Variants in SCAPER observed in about 807,000 individuals in gnomAD.
SCAPER encodes the protein S phase cyclin A-associated protein in the endoplasmic reticulum.
A neutral mutation model predicts 182.2 loss-of-function variants in SCAPER; 98 were observed. The observed-to-expected ratio is 0.54, with a 90% CI of 0.46 to 0.64. SCAPER has a LOEUF of 0.64. Ranked by LOEUF, SCAPER falls within the 30% of genes least tolerant of loss-of-function variation. The pLI is 0.00. For synonymous variants in SCAPER, 605 were observed against 564.6 expected (o/e 1.07, Z -1.01); for missense variants, 1,432 against 1,690.0 (o/e 0.85, Z 2.68).
chr15:76,747,027 G>A (rs1368791888), intron 15 of SCAPER, among the ~76,000 whole-genome samples: 2 of 152,182 alleles, frequency 1.3e-5, no homozygotes, highest in African/African-American at 4.8e-5. Context: ...ACATGGAATG[G>A]CAAGGTACAC....
At chr15:76,466,419 C>CTCTTCTTTTTTTTTTTTTTTTT (rs754649564) in intron 25 of SCAPER, among the ~76,000 whole-genome samples, 1 of 37,396 alleles carries the variant, frequency 2.7e-5, no homozygotes, top group African/African-American at 7.8e-5. Context: ...GTTGGTTCTT[C>CTCTTCTTTTTTTTTTTTTTTTT]TTTTTTTTTT....
At chr15:76,476,595 AT>A (rs5813839) in intron 24 of SCAPER, among the ~76,000 whole-genome samples, 4,863 of 72,528 alleles carry the variant, frequency 0.067, 35 homozygotes, top group African/African-American at 0.096. Flanking sequence ...CACCCAGCTA[AT>A]TTTTTTTTTT....
At chr15:76,536,379 T>C (rs1287372835) in intron 23 of SCAPER, among the ~76,000 whole-genome samples, 2 of 152,154 alleles carry the variant, frequency 1.3e-5, no homozygotes, top group African/African-American at 4.8e-5. Flanking sequence ...AAAACCACTT[T>C]TGAATCTCAG....
intron 2 of SCAPER, among the ~76,000 whole-genome samples, chr15:76,863,479 C>T (rs1019578080): frequency 1.3e-4 from 20 of 152,016 alleles, no homozygotes; most frequent in Non-Finnish European, 2.4e-4. Flanking sequence ...ATACATTTAA[C>T]GAGGCAATTA....
chr15:76,456,157 T>C (rs1187126442), intron 25 of SCAPER, among the ~76,000 whole-genome samples: 1 of 152,214 alleles, frequency 6.6e-6, no homozygotes, highest in Non-Finnish European at 1.5e-5. Flanking sequence ...TATAGTAGAA[T>C]GATTTATGAT....
intron 17 of SCAPER, among the ~76,000 whole-genome samples, chr15:76,721,138 A>G (rs2060213388): frequency 6.6e-6 from 1 of 152,174 alleles, no homozygotes; most frequent in South Asian, 2.1e-4. Flanking sequence ...TCAGCTTTCT[A>G]CATATGGCTA....
chr15:76,528,770 T>C (rs2043399473), intron 23 of SCAPER, among the ~76,000 whole-genome samples: 1 of 152,204 alleles, frequency 6.6e-6, no homozygotes, highest in South Asian at 2.1e-4. Flanking sequence ...TCATTCTTCC[T>C]TCAGTGGCTC....
At chr15:76,467,822 T>C (rs1023795808) in intron 25 of SCAPER, among the ~76,000 whole-genome samples, 1 of 152,158 alleles carries the variant, frequency 6.6e-6, no homozygotes, top group African/African-American at 2.4e-5. Flanking sequence ...CCCAGGCATC[T>C]GGACAATGCT....
chr15:76,449,857 T>C (rs1411597446), intron 25 of SCAPER, among the ~76,000 whole-genome samples: 2 of 152,230 alleles, frequency 1.3e-5, no homozygotes, highest in Non-Finnish European at 2.9e-5. Context: ...AGCTGATCTT[T>C]ACTTTGCTTA....
At chr15:76,648,195 A>G (rs1309123644) in intron 21 of SCAPER, among the ~76,000 whole-genome samples, 6 of 151,984 alleles carry the variant, frequency 3.9e-5, no homozygotes, top group Non-Finnish European at 5.9e-5. Flanking sequence ...AACATAAAAA[A>G]AAAAACAAGA....
intron 5 of SCAPER, among the ~76,000 whole-genome samples, chr15:76,822,867 G>T (rs982603092): frequency 6.6e-6 from 1 of 152,112 alleles, no homozygotes; most frequent in Non-Finnish European, 1.5e-5. Context: ...CTGTGTGTAT[G>T]TATTACTACA....
intron 21 of SCAPER, among the ~76,000 whole-genome samples, chr15:76,663,183 T>C (rs2056329219): frequency 6.6e-6 from 1 of 152,056 alleles, no homozygotes; most frequent in South Asian, 2.1e-4. Context: ...GAAAAGATGA[T>C]CAATATATGT....
At chr15:76,504,727 TG>T in intron 24 of SCAPER, 131 bp downstream of exon 24, 1 of 654,018 alleles carries the variant, frequency 1.5e-6, no homozygotes. Flanking sequence ...TTCTCCCTAA[TG>T]GGGAGTGTAA....
At chr15:76,846,344 G>A (rs946571442) in intron 4 of SCAPER, among the ~76,000 whole-genome samples, 9 of 151,730 alleles carry the variant, frequency 5.9e-5, no homozygotes, top group African/African-American at 2.2e-4. Flanking sequence ...ATGTACAAAT[G>A]GGATCACATC....
chr15:76,684,428 C>T (rs955835760), intron 20 of SCAPER, among the ~76,000 whole-genome samples: 2 of 152,010 alleles, frequency 1.3e-5, no homozygotes, highest in Admixed American at 6.6e-5. Context: ...ACATTGTATG[C>T]CTGTATCAAA....
chr15:76,639,853 T>C (rs2053959492), intron 21 of SCAPER, among the ~76,000 whole-genome samples: 1 of 152,156 alleles, frequency 6.6e-6, no homozygotes, highest in African/African-American at 2.4e-5. Flanking sequence ...AGATGCATAT[T>C]AGTTCAAAAA....
chr15:76,447,237 C>G (rs895147387), intron 25 of SCAPER, among the ~76,000 whole-genome samples: 2 of 152,164 alleles, frequency 1.3e-5, no homozygotes, highest in African/African-American at 4.8e-5. Flanking sequence ...AGAGGGTAAT[C>G]CATGCTTCTT....
chr15:76,605,641 T>C (rs1358227477), intron 22 of SCAPER, among the ~76,000 whole-genome samples: 1 of 152,200 alleles, frequency 6.6e-6, no homozygotes, highest in Non-Finnish European at 1.5e-5. Context: ...CGGCTGTGAA[T>C]CCATCTAGTC....
At chr15:76,620,219 G>C (rs77120782) in intron 22 of SCAPER, among the ~76,000 whole-genome samples, 1 of 152,070 alleles carries the variant, frequency 6.6e-6, no homozygotes, top group African/African-American at 2.4e-5. Flanking sequence ...TGTAGCTTCA[G>C]GCAAGTTACC....
Sources: allele counts gnomAD v4.1 joint callset (sites outside exome capture counted in the v4.1 genomes callset), GRCh38; gene constraint gnomAD v4.1.1; transcripts MANE v1.5; gene names NCBI Gene and HGNC (gene_info 2026-07-23, HGNC 2026-07-21).